TARDBP: variants seen among roughly 807,000 people sequenced by gnomAD.
The protein encoded by TARDBP is TAR DNA binding protein.
Under a neutral mutation model 38.3 loss-of-function variants are expected in TARDBP, and 4 were observed. That is an observed-to-expected ratio of 0.10 (90% CI 0.05 to 0.24). TARDBP has a LOEUF of 0.24. Among genes scored for constraint, TARDBP ranks in the 10% least tolerant of loss-of-function variants. The pLI, the probability that TARDBP is intolerant of heterozygous loss-of-function variation, is 1.00. For synonymous variants in TARDBP, 184 were observed against 183.8 expected (o/e 1.00, Z -0.01); for missense variants, 202 against 521.9 (o/e 0.39, Z 5.97).
chr1:11,030,312 T>G (rs998702481), downstream of TARDBP: 8 of 1,154,470 alleles, frequency 6.9e-6, no homozygotes, highest in Non-Finnish European at 1.0e-5. Context: ...GTCATTTGCT[T>G]GAATACCCCC....
intron 2 of TARDBP, among the ~76,000 whole-genome samples, chr1:11,016,424 A>C: frequency 6.6e-6 from 1 of 152,300 alleles, no homozygotes; most frequent in South Asian, 2.1e-4. Context: ...ACTTACAGGC[A>C]TACACACCAC....
rs1214314588 is a variant in TARDBP, at chr1:11,025,350, T to A, written c.*2696T>A. 6.6e-6 allele frequency: 1 copy of A among 152,328 alleles called. No individual in the cohort carries two copies. The highest frequency in any genetic ancestry group is 1.5e-5 in the Non-Finnish European group (1 of 68,036). The allele number at this position is 152,328 out of a possible 1,614,324, so 9.4% of individuals were successfully genotyped here. A position where few individuals can be genotyped will look rare whatever the true frequency, so the allele number is the denominator to read the frequency against. Reference sequence around the variant, plus strand: ...ACTGCATAGATACGGGTATTTATTTTACCCTAAGAAGATTTTGAAGTTTAA... The same window carrying A: ...ACTGCATAGATACGGGTATTTATTTAACCCTAAGAAGATTTTGAAGTTTAA... On this transcript the variant is annotated 3_prime_UTR_variant, in exon 6 of 6. Coordinates refer to ENST00000240185, the MANE Select transcript of TARDBP (RefSeq NM_007375.4).
rs368331170 is a variant in TARDBP at position 11,012,995 on chromosome 1, A to G, written c.-13+252A>G. On this transcript the variant is annotated intron_variant, in intron 1 of 5. Transcript: ENST00000240185. ...AGGCGGAGGTTGGCCCCGGACCCGG[A>G]CAGTGCCGGAGCCTTCGGTACTTTG... 1.0e-3 allele frequency among the ~76,000 whole-genome samples: 158 copies of G among 152,326 alleles called. 1 individual carries two copies. The highest frequency in any genetic ancestry group is 3.5e-3 in the African/African-American group (145 of 41,580).
intron 4 of TARDBP, among the ~76,000 whole-genome samples, chr1:11,019,449 T>A (rs1214262350): frequency 6.6e-6 from 1 of 152,188 alleles, no homozygotes; most frequent in African/African-American, 2.4e-5. Flanking sequence ...CATGTTATAG[T>A]CGCCTACAGT....
At chr1:11,027,629 G>C, downstream of TARDBP, 1 of 1,611,070 alleles carries the variant, frequency 6.2e-7, no homozygotes, top group South Asian at 1.1e-5. Flanking sequence ...CTCCTGTTGT[G>C]CGGGCTGATA....
At chr1:11,018,522 T>A in intron 3 of TARDBP, 1 of 651,012 alleles carries the variant, frequency 1.5e-6, no homozygotes, top group Non-Finnish European at 2.6e-6. Flanking sequence ...CAAAAACATT[T>A]CTGTTGTATA....
intron 2 of TARDBP, chr1:11,015,417 G>A (rs1353858266): frequency 6.6e-6 from 1 of 151,986 alleles, no homozygotes; most frequent in East Asian, 1.9e-4. Flanking sequence ...ACCGGGAGGT[G>A]GAGATTGCAG....
chr1:11,025,851 T>C (rs767974874), downstream of TARDBP: 1 of 154,844 alleles, frequency 6.5e-6, no homozygotes, highest in East Asian at 1.9e-4. Flanking sequence ...CAAGAGATAA[T>C]GTGTAACAGT....
Position 11,022,061 on chromosome 1 carries a change from G to C in TARDBP, c.715-63G>C. ...TAATGCTTGTAATCTAAGTTTTGTT[G>C]CTACTTTAAATATATGAATCAGTGG... On this transcript the variant is annotated intron_variant, in intron 5 of 5. Coordinates refer to ENST00000240185, the MANE Select transcript of TARDBP (RefSeq NM_007375.4). This position sits in a 1 kb window ranked among gnomAD's most constrained non-coding sequence, Gnocchi z 4.5. 6.3e-7 allele frequency: 1 copy of C among 1,587,770 alleles called. No individual in the cohort carries two copies.
chr1:11,022,785 C>A lies in TARDBP; in HGVS notation c.*131C>A. On this transcript the variant is annotated 3_prime_UTR_variant, in exon 6 of 6. Coordinates refer to ENST00000240185, the MANE Select transcript of TARDBP (RefSeq NM_007375.4). This position sits in a 1 kb window ranked among gnomAD's most constrained non-coding sequence, Gnocchi z 4.5. Reference sequence around the variant, plus strand: ...TGGTTTGTTCAGTGTGGAGTATATTCAGCAGTATTTTTGACATTTTTCTTT... The same window carrying A: ...TGGTTTGTTCAGTGTGGAGTATATTAAGCAGTATTTTTGACATTTTTCTTT... The A allele has an allele frequency of 7.0e-7, 1 of 1,436,226 alleles. No individual in the cohort carries two copies. Among genetic ancestry groups the A allele is most frequent in the Non-Finnish European group, 9.1e-7 (1 of 1,094,252 alleles). The allele number at this position is 1,436,226 out of a possible 1,614,324, so 89.0% of individuals were successfully genotyped here.
intron 5 of TARDBP, among the ~76,000 whole-genome samples, chr1:11,021,180 C>A (rs1351114340): frequency 1.3e-5 from 2 of 151,680 alleles, no homozygotes; most frequent in South Asian, 4.2e-4. Flanking sequence ...CTCTTGTTGC[C>A]CGGGCTGGAG....
At chr1:11,019,598 ACT>A (rs1267733978) in intron 4 of TARDBP, among the ~76,000 whole-genome samples, 2 of 151,684 alleles carry the variant, frequency 1.3e-5, no homozygotes, top group African/African-American at 2.4e-5. Context: ...AGAGAGTCTC[ACT>A]CTGTCATCCG....
chr1:11,027,602 C>T (rs1357501535), downstream of TARDBP: 4 of 1,613,924 alleles, frequency 2.5e-6, no homozygotes, highest in Middle Eastern at 1.6e-4. Context: ...TTGCCTTTTG[C>T]CCTCCATATA....
At chr1:11,018,564 G>T (rs898983236) in intron 3 of TARDBP, 169 bp from the exon 4 acceptor site, 1 of 834,130 alleles carries the variant, frequency 1.2e-6, no homozygotes, top group African/African-American at 1.7e-5. Flanking sequence ...AACACAGTAT[G>T]GATTCAATAT....
At chr1:11,021,585 A>AT (rs1382298828) in intron 5 of TARDBP, among the ~76,000 whole-genome samples, 3 of 151,666 alleles carry the variant, frequency 2.0e-5, no homozygotes. Flanking sequence ...CTCCCGGCCC[A>AT]TTTTTTAAAT....
At chr1:11,026,631 A>G (rs1294600811), downstream of TARDBP, 3 of 332,136 alleles carry the variant, frequency 9.0e-6, no homozygotes, top group Admixed American at 4.8e-5. Context: ...ATGTAATTTG[A>G]GCAGTGACAT....
At chr1:11,026,715 T>C, downstream of TARDBP, 1 of 485,268 alleles carries the variant, frequency 2.1e-6, no homozygotes. Context: ...AGGCTGGAAT[T>C]AAACTGGCAA....
At chr1:11,030,478 A>C (rs1041362839), downstream of TARDBP, 1 of 581,446 alleles carries the variant, frequency 1.7e-6, no homozygotes, top group Non-Finnish European at 3.0e-6. Flanking sequence ...CAAGATCTCA[A>C]GTGCTTAATG....
intron 4 of TARDBP, 60 bp from the exon 5 acceptor site, chr1:11,020,369 T>TA: frequency 6.2e-7 from 1 of 1,600,296 alleles, no homozygotes; most frequent in Non-Finnish European, 8.6e-7. Flanking sequence ...CTTACCTTAA[T>TA]GTTTTTTTCA....
Sources: allele counts gnomAD v4.1 joint callset (sites outside exome capture counted in the v4.1 genomes callset), GRCh38; gene constraint gnomAD v4.1.1; non-coding constraint Gnocchi (gnomAD v3.1); transcripts MANE v1.5; gene names NCBI Gene and HGNC (gene_info 2026-07-23, HGNC 2026-07-21).